The following ESRP1 variants were observed in gnomAD, a reference collection of about 807,000 sequenced individuals.
The protein encoded by ESRP1 is epithelial splicing regulatory protein 1.
In ESRP1, 33 loss-of-function variants were observed where a neutral mutation model predicts 81.7. The ratio of observed to expected loss-of-function variants is 0.40; its 90% CI spans 0.31 to 0.54. ESRP1 has a LOEUF of 0.54. Ranked by LOEUF, ESRP1 falls within the 20% of genes least tolerant of loss-of-function variation. The pLI, the probability that ESRP1 is intolerant of heterozygous loss-of-function variation, is 0.41. For missense variants in ESRP1, 672 were observed against 833.1 expected (o/e 0.81, Z 2.38); for synonymous variants, 320 against 303.3 (o/e 1.06, Z -0.57).
chr8:94,667,453 TTGA>T (rs1819089314), intron 9 of ESRP1, among the ~76,000 whole-genome samples: 1 of 149,118 alleles, frequency 6.7e-6, no homozygotes, highest in Non-Finnish European at 1.5e-5. Context: ...AAAAAGGTAA[TTGA>T]GTTACTTGCA....
intron 9 of ESRP1, among the ~76,000 whole-genome samples, chr8:94,666,099 T>A (rs1259881810): frequency 6.6e-6 from 1 of 152,264 alleles, no homozygotes; most frequent in Admixed American, 6.5e-5. Flanking sequence ...ATCTACTTTG[T>A]AAGTTTCTGT....
intron 15 of ESRP1, among the ~76,000 whole-genome samples, chr8:94,700,725 C>T (rs987349684): frequency 2.0e-4 from 31 of 151,260 alleles, no homozygotes; most frequent in African/African-American, 6.8e-4. Flanking sequence ...GTCAGGAGAT[C>T]GAGACCGTCC....
At chr8:94,689,810 G>GTTTTTTTTTTTTTTTTTT (rs1563545236) in intron 13 of ESRP1, among the ~76,000 whole-genome samples, 2 of 55,332 alleles carry the variant, frequency 3.6e-5, no homozygotes, top group Non-Finnish European at 7.5e-5. Flanking sequence ...ATGATGCCTG[G>GTTTTTTTTTTTTTTTTTT]CTTTTTTTTT....
chr8:94,701,585 CTTCTTT>C (rs1441713208), intron 15 of ESRP1, among the ~76,000 whole-genome samples: 4 of 151,762 alleles, frequency 2.6e-5, no homozygotes, highest in Middle Eastern at 3.2e-3. Flanking sequence ...AAGTTGCTTT[CTTCTTT>C]TTCTTTTTCT....
At chr8:94,672,266 C>A (rs1404374817) in intron 11 of ESRP1, among the ~76,000 whole-genome samples, 1 of 152,042 alleles carries the variant, frequency 6.6e-6, no homozygotes, top group Non-Finnish European at 1.5e-5. Context: ...TCAGTGAGGA[C>A]TTGAATCCAT....
chr8:94,671,374 C>G, intron 10 of ESRP1, 79 bp from the exon 11 acceptor site: 1 of 1,219,926 alleles, frequency 8.2e-7, no homozygotes. Flanking sequence ...AACGAGCTTC[C>G]CAGTGATGCC....
intron 4 of ESRP1, among the ~76,000 whole-genome samples, chr8:94,660,481 A>G (rs971677222): frequency 6.6e-6 from 1 of 151,852 alleles, no homozygotes; most frequent in African/African-American, 2.4e-5. Flanking sequence ...GCTCACGCCT[A>G]TAATCCCAGC....
intron 10 of ESRP1, among the ~76,000 whole-genome samples, chr8:94,670,367 G>A (rs980112442): frequency 6.6e-6 from 1 of 152,000 alleles, no homozygotes; most frequent in Non-Finnish European, 1.5e-5. Flanking sequence ...TTTTTGCTGT[G>A]TCTGGATTGT....
rs1809115106 is a variant in ESRP1, at chr8:94,685,795, AAAC to A, written c.1821-6881_1821-6879del. Among the ~76,000 whole-genome samples, 8 of 152,218 alleles carry A rather than the reference AAAC, an allele frequency of 5.3e-5. No individual in the cohort carries two copies. In the South Asian group the frequency reaches 1.7e-3, roughly 32 times the overall value. ...GACAGGGAGACAGTCTCAAAAAAAAAAACCAACAAAAACAAAACAATGGGCTGG... is the reference window on the plus strand; with the variant it reads ...GACAGGGAGACAGTCTCAAAAAAAAACAACAAAAACAAAACAATGGGCTGG... On this transcript the variant is annotated intron_variant, in intron 13 of 15. Coordinates refer to ENST00000433389, the MANE Select transcript of ESRP1 (RefSeq NM_017697.4).
intron 2 of ESRP1, 89 bp downstream of exon 2, chr8:94,642,173 C>A: frequency 6.7e-7 from 1 of 1,494,530 alleles, no homozygotes. Flanking sequence ...CGCGTGTTCC[C>A]GGAGCAGGGT....
rs572391046 is a variant in ESRP1, at chr8:94,642,963, T to A, written c.262-340T>A. Among the ~76,000 whole-genome samples the A allele has an allele frequency of 4.6e-5, 7 of 152,260 alleles. No homozygotes were observed. In the South Asian group the frequency reaches 1.5e-3, roughly 32 times the overall value. On this transcript the variant is annotated intron_variant, in intron 2 of 15. Coordinates refer to ENST00000433389, the MANE Select transcript of ESRP1 (RefSeq NM_017697.4). Reference sequence around the variant, plus strand: ...CTTAAGCCTGGCACATCCAAACATATAAAAAGTAACACTAGGGAATGATGT... The same window carrying A: ...CTTAAGCCTGGCACATCCAAACATAAAAAAAGTAACACTAGGGAATGATGT...
intron 1 of ESRP1, 163 bp from the exon 2 acceptor site, chr8:94,641,793 G>T (rs1289078027): frequency 8.3e-5 from 90 of 1,078,300 alleles, no homozygotes; most frequent in Non-Finnish European, 1.1e-4. Flanking sequence ...GGGTGGGGCG[G>T]GGGGCAGGAA....
At position 94,651,397 on chromosome 8, in the gene ESRP1, T is replaced by C. The variant is rs576601071; in HGVS notation, c.490+5115T>C. Among the ~76,000 whole-genome samples the C allele has an allele frequency of 2.6e-5, 4 of 151,978 alleles. No individual in the cohort carries two copies. In the East Asian group the frequency reaches 7.8e-4, roughly 29 times the overall value. ...CCTGCACCACTGTGCCAGGCCAATG[T>C]TGTGTATTTCTAATGGAAGAGGACA... On this transcript the variant is annotated intron_variant, in intron 4 of 15. Transcript: ENST00000433389.
intron 15 of ESRP1, among the ~76,000 whole-genome samples, chr8:94,701,905 C>T (rs1809855476): frequency 6.6e-6 from 1 of 152,102 alleles, no homozygotes; most frequent in South Asian, 2.1e-4. Flanking sequence ...GTGGTGAGAC[C>T]TCGTCTCTAC....
At chr8:94,695,371 T>TTTTTTAC (rs1351009238) in intron 14 of ESRP1, among the ~76,000 whole-genome samples, 1 of 111,996 alleles carries the variant, frequency 8.9e-6, no homozygotes, top group Non-Finnish European at 1.7e-5. Context: ...TTTTTTTTTT[T>TTTTTTAC]TGAGACGGAG....
At chr8:94,692,607 C>G in intron 13 of ESRP1, 70 bp from the exon 14 acceptor site, 2 of 1,494,650 alleles carry the variant, frequency 1.3e-6, no homozygotes, top group Non-Finnish European at 1.8e-6. Context: ...CCTTAAGTAA[C>G]TAATGTTTTT....
intron 13 of ESRP1, among the ~76,000 whole-genome samples, chr8:94,685,657 A>C (rs1031639970): frequency 2.6e-5 from 4 of 152,004 alleles, no homozygotes; most frequent in African/African-American, 9.7e-5. Flanking sequence ...AAAATTAGCC[A>C]GGCATGGTGG....
intron 4 of ESRP1, among the ~76,000 whole-genome samples, chr8:94,659,458 C>T (rs1482037258): frequency 1.3e-5 from 2 of 152,196 alleles, no homozygotes; most frequent in Non-Finnish European, 2.9e-5. Context: ...TACCCCATCT[C>T]TCTCCCTCTC....
chr8:94,648,366 TTTATG>T (rs1257905434), intron 4 of ESRP1, among the ~76,000 whole-genome samples: 1 of 152,260 alleles, frequency 6.6e-6, no homozygotes, highest in African/African-American at 2.4e-5. Context: ...AGCAACGGTT[TTTATG>T]TTATATTGCT....
Sources: allele counts gnomAD v4.1 joint callset (sites outside exome capture counted in the v4.1 genomes callset), GRCh38; gene constraint gnomAD v4.1.1; transcripts MANE v1.5; gene names NCBI Gene and HGNC (gene_info 2026-07-23, HGNC 2026-07-21).